Variants in SMURF1 observed in about 807,000 individuals in gnomAD.
The protein encoded by SMURF1 is E3 ubiquitin-protein ligase SMURF1.
SMURF1 carries 44 observed loss-of-function variants against 98.0 expected under a neutral mutation model. The ratio of observed to expected loss-of-function variants is 0.45; its 90% CI spans 0.35 to 0.58. The LOEUF is 0.58. Among genes scored for constraint, SMURF1 ranks in the 20% least tolerant of loss-of-function variants. The pLI is 0.00. For synonymous variants in SMURF1, 396 were observed against 374.9 expected, an observed-to-expected ratio of 1.06 and a Z score of -0.65; for missense variants, 687 against 938.4, an observed-to-expected ratio of 0.73 and a Z score of 3.50.
chr7:99,128,181 C>G (rs1367333942), intron 1 of SMURF1, among the ~76,000 whole-genome samples: 1 of 152,188 alleles, frequency 6.6e-6, no homozygotes, highest in South Asian at 2.1e-4. Flanking sequence ...TCAAATAATA[C>G]TTAAATACAT....
intron 1 of SMURF1, among the ~76,000 whole-genome samples, chr7:99,085,367 A>AAAAAG (rs1194759464): frequency 1.9e-4 from 28 of 150,976 alleles, no homozygotes; most frequent in East Asian, 1.4e-3. Context: ...AAAAAAAAAA[A>AAAAAG]AAAAGAAAAG....
At chr7:99,139,548 A>G (rs775359024) in intron 1 of SMURF1, among the ~76,000 whole-genome samples, 4 of 152,208 alleles carry the variant, frequency 2.6e-5, no homozygotes, top group Non-Finnish European at 4.4e-5. Flanking sequence ...AAAGTGGCCT[A>G]AACAATGTGT....
intron 1 of SMURF1, among the ~76,000 whole-genome samples, chr7:99,103,604 G>A (rs1384838175): frequency 6.6e-6 from 1 of 152,118 alleles, no homozygotes; most frequent in African/African-American, 2.4e-5. Context: ...GTGCCAAGAC[G>A]TGACAAACAC....
rs536762007 is a variant in SMURF1 at position 99,084,338 on chromosome 7, T to C, written c.56-22501A>G. 3.3e-5 allele frequency among the ~76,000 whole-genome samples: 5 copies of C among 152,296 alleles called. No individual in the cohort carries two copies. The South Asian group carries it at 1.0e-3, about 32-fold the overall frequency. On this transcript the variant is annotated intron_variant, in intron 1 of 17. Transcript: ENST00000361368. ...GCTGTGTCACCAGGCTGGAGTGCAGTGGCGCGATCTCAGCTCACTGCAACC... is the reference window on the plus strand; with the variant it reads ...GCTGTGTCACCAGGCTGGAGTGCAGCGGCGCGATCTCAGCTCACTGCAACC...
chr7:99,048,686 C>T (rs923408566), intron 9 of SMURF1: 2 of 152,234 alleles, frequency 1.3e-5, no homozygotes, highest in Admixed American at 6.5e-5. Flanking sequence ...GATTTCTACA[C>T]CTGCTCATTG....
chr7:99,128,120 G>T (rs537497653), intron 1 of SMURF1, among the ~76,000 whole-genome samples: 5 of 152,218 alleles, frequency 3.3e-5, no homozygotes, highest in African/African-American at 1.2e-4. Context: ...AATGCATTAA[G>T]ATATGGAATG....
chr7:99,121,764 C>T (rs1228192491), intron 1 of SMURF1, among the ~76,000 whole-genome samples: 1 of 152,184 alleles, frequency 6.6e-6, no homozygotes, highest in African/African-American at 2.4e-5. Flanking sequence ...AACCTCTTGG[C>T]GCATTGCTGA....
chr7:99,046,043 C>T (rs747266653), intron 10 of SMURF1, among the ~76,000 whole-genome samples: 8 of 151,956 alleles, frequency 5.3e-5, no homozygotes, highest in Non-Finnish European at 7.4e-5. Context: ...CAGGGAAACA[C>T]GTGTCTGTTT....
intron 1 of SMURF1, among the ~76,000 whole-genome samples, chr7:99,099,131 C>T (rs942364559): frequency 2.0e-5 from 3 of 151,528 alleles, no homozygotes; most frequent in Non-Finnish European, 4.4e-5. Flanking sequence ...GACTAGAGCC[C>T]GATGAGAAAA....
chr7:99,047,333 A>T (rs1795615630), intron 10 of SMURF1, among the ~76,000 whole-genome samples: 1 of 152,180 alleles, frequency 6.6e-6, no homozygotes, highest in Non-Finnish European at 1.5e-5. Context: ...AACCCACATC[A>T]TGTAGACAAG....
chr7:99,141,028 G>A (rs1798108985), intron 1 of SMURF1, among the ~76,000 whole-genome samples: 1 of 152,000 alleles, frequency 6.6e-6, no homozygotes, highest in African/African-American at 2.4e-5. Flanking sequence ...CCGCTAAACC[G>A]CAATCCTATT....
At chr7:99,109,534 A>G (rs1797274948) in intron 1 of SMURF1, among the ~76,000 whole-genome samples, 1 of 152,150 alleles carries the variant, frequency 6.6e-6, no homozygotes, top group Admixed American at 6.5e-5. Context: ...GCCCTGCACC[A>G]AGCTCCAAAA....
chr7:99,093,967 C>T (rs920442358), intron 1 of SMURF1, among the ~76,000 whole-genome samples: 14 of 152,062 alleles, frequency 9.2e-5, no homozygotes, highest in African/African-American at 2.9e-4. Flanking sequence ...TCATTAATAG[C>T]TCAGTTGAAA....
At chr7:99,088,491 T>C (rs1796732303) in intron 1 of SMURF1, among the ~76,000 whole-genome samples, 1 of 151,924 alleles carries the variant, frequency 6.6e-6, no homozygotes, top group Admixed American at 6.6e-5. Context: ...TCTTTTTTTT[T>C]TTCCATTGGT....
intron 3 of SMURF1, among the ~76,000 whole-genome samples, chr7:99,059,427 TAAAATAAAATAAAA>T (rs1795976641): frequency 8.3e-6 from 1 of 120,052 alleles, no homozygotes; most frequent in South Asian, 2.7e-4. Flanking sequence ...TAAAATAAAA[TAAAATAAAATAAAA>T]TAAAATAAAA....
At chr7:99,056,277 G>A (rs1795873776) in intron 5 of SMURF1, among the ~76,000 whole-genome samples, 1 of 152,050 alleles carries the variant, frequency 6.6e-6, no homozygotes, top group South Asian at 2.1e-4. Context: ...GTGCTGCAGA[G>A]AGACCTTTTT....
intron 13 of SMURF1, among the ~76,000 whole-genome samples, chr7:99,039,342 TTC>T (rs1171088062): frequency 6.6e-6 from 1 of 151,906 alleles, no homozygotes; most frequent in African/African-American, 2.4e-5. Flanking sequence ...GTGGAAGATT[TTC>T]TTTTTCTTTC....
intron 16 of SMURF1, among the ~76,000 whole-genome samples, chr7:99,034,775 A>G (rs1479372456): frequency 1.3e-5 from 2 of 152,184 alleles, no homozygotes; most frequent in East Asian, 1.9e-4. Context: ...AGAGGTCACA[A>G]TGGAAAAGAT....
intron 1 of SMURF1, among the ~76,000 whole-genome samples, chr7:99,136,048 G>C (rs912626551): frequency 6.6e-6 from 1 of 152,198 alleles, no homozygotes; most frequent in African/African-American, 2.4e-5. Context: ...GCATAAGAGA[G>C]AACAGGGCAC....
Sources: gnomAD v4.1 joint callset for allele counts (sites outside exome capture counted in the v4.1 genomes callset) on GRCh38, gnomAD v4.1.1 for gene constraint, MANE v1.5 for transcripts, NCBI Gene and HGNC (gene_info 2026-07-23, HGNC 2026-07-21) for gene names.